The following PGS1 variants were observed in gnomAD, a reference collection of about 807,000 sequenced individuals.
The protein encoded by PGS1 is phosphatidylglycerophosphate synthase 1.
In PGS1, 44 loss-of-function variants were observed where a neutral mutation model predicts 58.3. The observed-to-expected ratio is 0.75, with a 90% CI of 0.59 to 0.97. PGS1 has a LOEUF of 0.97. Among genes scored for constraint, PGS1 ranks in the 50% least tolerant of loss-of-function variants. PGS1 has a pLI of 0.00. For synonymous variants in PGS1, 330 were observed against 311.0 expected, an observed-to-expected ratio of 1.06 and a Z score of -0.64; for missense variants, 684 against 731.1, an observed-to-expected ratio of 0.94 and a Z score of 0.74.
intron 1 of PGS1, among the ~76,000 whole-genome samples, chr17:78,380,369 G>T (rs1263694972): frequency 5.3e-5 from 8 of 152,260 alleles, no homozygotes; most frequent in Non-Finnish European, 1.2e-4. Flanking sequence ...ACAGAAAAGA[G>T]CTTGCTTCAT....
chr17:78,394,813 C>T (rs1012105675), intron 2 of PGS1, among the ~76,000 whole-genome samples: 1 of 152,182 alleles, frequency 6.6e-6, no homozygotes, highest in African/African-American at 2.4e-5. Flanking sequence ...CCTCGGCCTC[C>T]CAAAGTGCTG....
intron 7 of PGS1, among the ~76,000 whole-genome samples, chr17:78,410,193 A>C (rs540709456): frequency 2.6e-5 from 4 of 152,156 alleles, no homozygotes; most frequent in Admixed American, 6.5e-5. Context: ...TTTGGGAGGC[A>C]GAGGCGGGTG....
At chr17:78,415,127 G>A in intron 8 of PGS1, 100 bp downstream of exon 8, 1 of 1,352,856 alleles carries the variant, frequency 7.4e-7, no homozygotes, top group Non-Finnish European at 1.0e-6. Flanking sequence ...GTTTCCTGAG[G>A]CAACGAGTGA....
intron 7 of PGS1, among the ~76,000 whole-genome samples, chr17:78,409,361 G>C (rs1440001963): frequency 6.6e-6 from 1 of 152,286 alleles, no homozygotes; most frequent in South Asian, 2.1e-4. Flanking sequence ...TGGATTAAGA[G>C]ATTTCTGGCT....
At chr17:78,409,547 G>A (rs1158525242) in intron 7 of PGS1, among the ~76,000 whole-genome samples, 1 of 152,236 alleles carries the variant, frequency 6.6e-6, no homozygotes, top group African/African-American at 2.4e-5. Flanking sequence ...CAGTGGGTGT[G>A]GTAGGGGTGC....
intron 3 of PGS1, among the ~76,000 whole-genome samples, chr17:78,397,527 C>T (rs2083324547): frequency 6.6e-6 from 1 of 151,958 alleles, no homozygotes; most frequent in Non-Finnish European, 1.5e-5. Context: ...ACCTCCGCCT[C>T]CTGGGTTGAA....
intron 3 of PGS1, 103 bp downstream of exon 3, chr17:78,396,488 C>T (rs924547142): frequency 2.5e-6 from 2 of 804,002 alleles, no homozygotes; most frequent in African/African-American, 3.5e-5. Context: ...CTTTCCTTGG[C>T]CTCCATGTCA....
intron 2 of PGS1, among the ~76,000 whole-genome samples, chr17:78,395,488 C>T (rs2146167158): frequency 6.6e-6 from 1 of 152,240 alleles, no homozygotes; most frequent in South Asian, 2.1e-4. Flanking sequence ...TGTGAAGCTG[C>T]CTCCCTCTCA....
intron 9 of PGS1, chr17:78,421,082 G>A (rs2085690166): frequency 6.6e-6 from 1 of 152,136 alleles, no homozygotes; most frequent in Non-Finnish European, 1.5e-5. Flanking sequence ...TTTATTTTTT[G>A]AAGAATGAAC....
At chr17:78,423,842 G>A in intron 9 of PGS1, 2 of 1,587,792 alleles carry the variant, frequency 1.3e-6, no homozygotes, top group South Asian at 1.1e-5. Flanking sequence ...AGTCACAGGT[G>A]CACAGGTGAA....
intron 2 of PGS1, 108 bp from the exon 3 acceptor site, chr17:78,396,200 G>C (rs1459756604): frequency 1.3e-6 from 1 of 788,096 alleles, no homozygotes; most frequent in East Asian, 2.5e-5. Context: ...TGAAGACATA[G>C]GATAGTTCAG....
intron 7 of PGS1, among the ~76,000 whole-genome samples, chr17:78,405,956 A>G (rs528857339): frequency 7.2e-5 from 11 of 152,308 alleles, no homozygotes; most frequent in South Asian, 6.2e-4. Flanking sequence ...TCCGGTGCTC[A>G]GGTGGTTTGT....
chr17:78,405,284 C>T (rs1213599703), intron 7 of PGS1, among the ~76,000 whole-genome samples: 1 of 152,246 alleles, frequency 6.6e-6, no homozygotes, highest in Admixed American at 6.5e-5. Flanking sequence ...GCGTGAGCCA[C>T]TGCGCCCGGC....
chr17:78,413,330 C>G (rs1051580664), intron 7 of PGS1, among the ~76,000 whole-genome samples: 23 of 152,192 alleles, frequency 1.5e-4, no homozygotes, highest in African/African-American at 5.6e-4. Flanking sequence ...TCGCCCATGA[C>G]AGTTGTGTGG....
Position 78,423,911 on chromosome 17 carries a change from C to G in PGS1, c.*11-150C>G, listed in dbSNP as rs771217788. 16 of 1,613,976 alleles carry G rather than the reference C, an allele frequency of 9.9e-6. No individual in the cohort carries two copies. In the Admixed American group the frequency reaches 2.5e-4, roughly 25 times the overall value. On this transcript the variant is annotated intron_variant, in intron 9 of 9. Transcript: ENST00000262764. ...GGCTGTGAGGCAGGAGCGAGCTAAA[C>G]CTGTAGGAGCAGCGCCACGGCTGCC... is the stretch of plus-strand genomic sequence containing the variant.
At chr17:78,382,038 G>A (rs1048315941) in intron 1 of PGS1, among the ~76,000 whole-genome samples, 1 of 152,190 alleles carries the variant, frequency 6.6e-6, no homozygotes, top group African/African-American at 2.4e-5. Flanking sequence ...ACCTTGGAGA[G>A]GTCATGGAAG....
chr17:78,408,361 T>G (rs1438137276), intron 7 of PGS1, among the ~76,000 whole-genome samples: 6 of 152,152 alleles, frequency 3.9e-5, no homozygotes, highest in Non-Finnish European at 8.8e-5. Context: ...GAGTCCACAT[T>G]TACCTGTGGC....
intron 1 of PGS1, among the ~76,000 whole-genome samples, chr17:78,387,574 C>G (rs1403842906): frequency 6.8e-6 from 1 of 148,064 alleles, no homozygotes; most frequent in East Asian, 2.0e-4. Context: ...GTTGGGATTA[C>G]AGGTGTGAGC....
chr17:78,409,158 A>G (rs2084411595), intron 7 of PGS1, among the ~76,000 whole-genome samples: 1 of 152,232 alleles, frequency 6.6e-6, no homozygotes. Flanking sequence ...CCATCCCATT[A>G]TCACATTCAG....
Sources: allele counts gnomAD v4.1 joint callset (sites outside exome capture counted in the v4.1 genomes callset), GRCh38; gene constraint gnomAD v4.1.1; transcripts MANE v1.5; gene names NCBI Gene and HGNC (gene_info 2026-07-23, HGNC 2026-07-21).